The following ADH7 variants were observed in gnomAD, a reference collection of about 807,000 sequenced individuals.
ADH7 encodes the protein alcohol dehydrogenase 7 (class IV), mu or sigma polypeptide, also known as all-trans-retinol dehydrogenase [NAD(+)] ADH7.
Under a neutral mutation model 34.4 loss-of-function variants are expected in ADH7, and 41 were observed. That is an observed-to-expected ratio of 1.19 (90% CI 0.93 to 1.55). The LOEUF (loss-of-function observed/expected upper bound fraction) is 1.55. Among genes scored for constraint, ADH7 ranks in the 40% most tolerant of loss-of-function variants. ADH7 has a pLI of 0.00. For missense variants in ADH7, 540 were observed against 461.2 expected (o/e 1.17, Z -1.56); for synonymous variants, 180 against 160.9 (o/e 1.12, Z -0.90).
At position 99,428,100 on chromosome 4, in the gene ADH7, A is replaced by G; in HGVS notation, c.334T>C (p.Cys112Arg). The G allele has an allele frequency of 6.2e-7, 1 of 1,614,010 alleles. No individual in the cohort carries two copies. The highest frequency in any genetic ancestry group is 2.2e-5 in the East Asian group (1 of 44,878). Reference sequence around the variant, plus strand: ...ACTGAAACCTACTCGCTCCTAATGCAAAGGTTGCCATCTGGGTTGCGACAA... The same window carrying G: ...ACTGAAACCTACTCGCTCCTAATGCGAAGGTTGCCATCTGGGTTGCGACAA... Reference protein sequence around the residue: ...NACRNPDGNLCIRSDITGRGV... With the variant: ...NACRNPDGNLRIRSDITGRGV... Residue 112 changes from cysteine (C) to arginine (R), a missense_variant, in exon 4 of 9, where the codon TGC becomes CGC. Coordinates refer to ENST00000437033, the MANE Select transcript of ADH7 (RefSeq NM_000673.7).
At chr4:99,432,650 A>G (rs1721962631) in intron 1 of ADH7, 1 of 152,096 alleles carries the variant, frequency 6.6e-6, no homozygotes, top group Admixed American at 6.6e-5. Context: ...TAACAACTTC[A>G]CTCCTAACAC....
At chr4:99,415,688 T>C in intron 7 of ADH7, 72 bp from the exon 8 acceptor site, 1 of 1,442,446 alleles carries the variant, frequency 6.9e-7, no homozygotes, top group Non-Finnish European at 9.5e-7. Flanking sequence ...TTATATTTAT[T>C]CCTTCTCTTT....
In ADH7 at chr4:99,413,070, A is replaced by G; in HGVS notation, c.*78T>C. On this transcript the variant is annotated 3_prime_UTR_variant, in exon 9 of 9. Transcript: ENST00000437033. ...ATGCTTGTATTTGTGAGACAGATAC[A>G]TGATTTCAGATGAGGGAACTCTCAC... 6.3e-6 allele frequency: 9 copies of G among 1,427,748 alleles called. No homozygotes were observed. The highest frequency in any genetic ancestry group is 2.3e-5 in the East Asian group (1 of 43,888). The allele number at this position is 1,427,748 out of a possible 1,614,324, so 88.4% of individuals were successfully genotyped here.
In ADH7 at chr4:99,422,346, C is replaced by G. The variant is rs148080160; in HGVS notation, c.565-1553G>C. Reference sequence around the variant, plus strand: ...CCATAAAAAGAAATGAGATCATGTCCTTTGCAGGGACGTGGAAGAAGCTGG... The same window carrying G: ...CCATAAAAAGAAATGAGATCATGTCGTTTGCAGGGACGTGGAAGAAGCTGG... On this transcript the variant is annotated intron_variant, in intron 5 of 8. Transcript: ENST00000437033. Among the ~76,000 whole-genome samples, 545 of 152,292 alleles carry G rather than the reference C, an allele frequency of 3.6e-3. 6 individuals carry two copies. The highest frequency in any genetic ancestry group is 0.012 in the African/African-American group (514 of 41,556).
At chr4:99,421,765 T>A (rs1721669250) in intron 5 of ADH7, among the ~76,000 whole-genome samples, 1 of 152,172 alleles carries the variant, frequency 6.6e-6, no homozygotes, top group African/African-American at 2.4e-5. Context: ...GACAAAGGTC[T>A]AATATGCAGA....
intron 5 of ADH7, among the ~76,000 whole-genome samples, chr4:99,427,427 G>A (rs1721834546): frequency 6.6e-6 from 1 of 152,048 alleles, no homozygotes; most frequent in Admixed American, 6.6e-5. Context: ...AAGAAACTAG[G>A]AGTAAAAGCT....
chr4:99,420,447 A>G, intron 6 of ADH7, 86 bp downstream of exon 6: 2 of 1,375,450 alleles, frequency 1.5e-6, no homozygotes, highest in Non-Finnish European at 2.0e-6. Flanking sequence ...ATTATTGACT[A>G]TTAATAAAGT....
intron 1 of ADH7, 37 bp from the exon 2 acceptor site, chr4:99,429,670 A>G (rs779486266): frequency 1.4e-6 from 2 of 1,480,670 alleles, no homozygotes; most frequent in Non-Finnish European, 1.9e-6. Flanking sequence ...GGTCTGAATT[A>G]TGCCTTTAAC....
intron 5 of ADH7, 71 bp downstream of exon 5, chr4:99,427,702 T>G: frequency 8.4e-7 from 1 of 1,184,386 alleles, no homozygotes; most frequent in South Asian, 3.0e-5. Context: ...TCCAAAACTC[T>G]TCAAGATTCC....
chr4:99,418,554 C>T (rs1721575021), intron 7 of ADH7, among the ~76,000 whole-genome samples: 1 of 152,122 alleles, frequency 6.6e-6, no homozygotes, highest in Non-Finnish European at 1.5e-5. Flanking sequence ...CTGAACTGTT[C>T]CCATAAAATG....
chr4:99,420,751 C>A lies in ADH7; in HGVS notation c.607G>T (p.Val203Phe), dbSNP rs761122139. The stretch of plus-strand genomic sequence containing the variant: ...CAGCCCATGATGACTGACAGGCCAA[C>A]TCCTCCCAGGCCAAAGACGACGCAA... ...STCVVFGLGG[V>F]GLSVIMGCKS... Residue 203 changes from valine to phenylalanine, a missense_variant, in exon 6 of 9, where the codon GTT becomes TTT. Val to Phe is a conservative substitution (Grantham distance 50). Coordinates refer to ENST00000437033, the MANE Select transcript of ADH7 (RefSeq NM_000673.7). 5.0e-6 allele frequency: 8 copies of A among 1,613,806 alleles called. No homozygotes were observed. The Admixed American group carries it at 1.2e-4, about 24-fold the overall frequency.
intron 3 of ADH7, 32 bp downstream of exon 3, chr4:99,428,460 T>C: frequency 6.2e-7 from 1 of 1,600,208 alleles, no homozygotes; most frequent in Non-Finnish European, 8.5e-7. Flanking sequence ...AGCCTAATTA[T>C]TTCAAACTTG....
At chr4:99,429,151 G>T (rs1045949039) in intron 2 of ADH7, among the ~76,000 whole-genome samples, 13 of 152,176 alleles carry the variant, frequency 8.5e-5, no homozygotes, top group Non-Finnish European at 1.9e-4. Context: ...CCACGAAGTT[G>T]TCATTTCTCC....
At chr4:99,419,257 AT>A in intron 6 of ADH7, 136 bp from the exon 7 acceptor site, 1 of 1,087,202 alleles carries the variant, frequency 9.2e-7, no homozygotes, top group South Asian at 1.8e-5. Context: ...CTTTAAAAAA[AT>A]TTCAGTGCAA....
Position 99,419,034 on chromosome 4 carries a change from G to C in ADH7, c.913C>G (p.Pro305Ala), listed in dbSNP as rs1418511591. The C allele has an allele frequency of 5.0e-6, 8 of 1,613,704 alleles. No homozygotes were observed. The highest frequency in any genetic ancestry group is 1.3e-5 in the African/African-American group (1 of 74,884). Residue 305 changes from proline to alanine, a missense_variant, in exon 7 of 9, where the codon CCG (proline) becomes GCG (alanine). Pro to Ala is a conservative substitution (Grantham distance 27). Transcript: ENST00000437033. ...PPSAKMLTYDPMLLFTGRTWK... is the reference protein window; with the variant it reads ...PPSAKMLTYDAMLLFTGRTWK... ...GTGCGTCCAGTGAAGAGCAACATCG[G>C]GTCATAGGTGAGCATCTTGGCTGAT... is the stretch of plus-strand genomic sequence containing the variant.
intron 1 of ADH7, among the ~76,000 whole-genome samples, chr4:99,432,883 G>T (rs779584980): frequency 9.9e-5 from 15 of 152,040 alleles, no homozygotes; most frequent in Non-Finnish European, 1.8e-4. Flanking sequence ...ACACTCTGTT[G>T]CCCAGATTGT....
Position 99,420,553 on chromosome 4 carries a change from T to C in ADH7, c.805A>G (p.Ile269Val), listed in dbSNP as rs1721623818. Residue 269 changes from isoleucine to valine, a missense_variant, in exon 6 of 9, where the codon ATT becomes GTT. Physicochemically the swap from Ile to Val is conservative, Grantham distance 29. Transcript: ENST00000437033. The part of the protein sequence containing the change: ...GNNVGYTFEV[I>V]GHLETMIDAL... ...CTTACCATGGTTTCAAGATGCCCAA[T>C]AACTTCAAAGGTGTATCCCACGTTG... The C allele has an allele frequency of 6.2e-7, 1 of 1,613,260 alleles. No individual in the cohort carries two copies. The highest frequency in any genetic ancestry group is 8.5e-7 in the Non-Finnish European group (1 of 1,179,442).
At chr4:99,427,738 G>C (rs370480119) in intron 5 of ADH7, 35 bp downstream of exon 5, 3 of 1,331,296 alleles carry the variant, frequency 2.3e-6, no homozygotes, top group Non-Finnish European at 3.0e-6. Context: ...GAAAAGGAAA[G>C]AAGAACAAAT....
chr4:99,429,549 T>C lies in ADH7; in HGVS notation c.103A>G (p.Lys35Glu). The change falls in exon 2 of 9, where the codon AAA (lysine) becomes GAA (glutamate). Residue 35 changes from lysine to glutamate, a missense_variant. Lys to Glu is a moderately conservative substitution (Grantham distance 56). Coordinates refer to ENST00000437033, the MANE Select transcript of ADH7 (RefSeq NM_000673.7). ...EEIEVAPPKT[K>E]EVRIKILATG... is the part of the protein sequence containing the mutation. ...ACGCTTACCTTAATGCGAACTTCTT[T>C]AGTCTTTGGTGGGGCAACTTCTATT... 5 of 1,611,970 alleles carry C rather than the reference T, an allele frequency of 3.1e-6. No homozygotes were observed. In the East Asian group the frequency reaches 8.9e-5, roughly 29 times the overall value.
Sources: gnomAD v4.1 joint callset for allele counts (sites outside exome capture counted in the v4.1 genomes callset) on GRCh38, gnomAD v4.1.1 for gene constraint, MANE v1.5 for transcripts, NCBI Gene and HGNC (gene_info 2026-07-23, HGNC 2026-07-21) for gene names.